TBCA: variants seen among roughly 807,000 people sequenced by gnomAD.
TBCA encodes tubulin folding cofactor A, also known as tubulin-specific chaperone A.
TBCA carries 6 observed loss-of-function variants against 15.8 expected under a neutral mutation model. The observed-to-expected ratio is 0.38, with a 90% CI of 0.21 to 0.75. The LOEUF is 0.75. Among genes scored for constraint, TBCA ranks in the 30% least tolerant of loss-of-function variants. The probability of loss-of-function intolerance (pLI) is 0.46; values close to 1 mark genes in which losing one functional copy is unlikely to be tolerated. For synonymous variants in TBCA, 32 were observed against 42.3 expected (o/e 0.76, Z 0.94); for missense variants, 90 against 131.2 (o/e 0.69, Z 1.53).
chr5:77,756,508 G>A (rs1174921423), intron 1 of TBCA, among the ~76,000 whole-genome samples: 1 of 152,020 alleles, frequency 6.6e-6, no homozygotes, highest in Non-Finnish European at 1.5e-5. Context: ...CAGTTTCTCA[G>A]GTGAATGTGC....
At chr5:77,716,325 T>A (rs351878) in intron 1 of TBCA, among the ~76,000 whole-genome samples, 3 of 152,176 alleles carry the variant, frequency 2.0e-5, no homozygotes, top group Non-Finnish European at 4.4e-5. Flanking sequence ...GCATTTCCAA[T>A]GGGCATCAAC....
At chr5:77,762,182 C>T (rs1168878505) in intron 1 of TBCA, among the ~76,000 whole-genome samples, 1 of 152,144 alleles carries the variant, frequency 6.6e-6, no homozygotes, top group Non-Finnish European at 1.5e-5. Context: ...AGAGTGTTCA[C>T]TAGATGTTTG....
chr5:77,762,864 A>T (rs1747673712), intron 1 of TBCA, among the ~76,000 whole-genome samples: 1 of 152,224 alleles, frequency 6.6e-6, no homozygotes, highest in African/African-American at 2.4e-5. Context: ...TACAAGGCAG[A>T]AGAAGATGAT....
chr5:77,752,276 C>T (rs1233938599), intron 1 of TBCA, among the ~76,000 whole-genome samples: 1 of 152,198 alleles, frequency 6.6e-6, no homozygotes, highest in Admixed American at 6.5e-5. Flanking sequence ...CCCACATTAA[C>T]TATCTTCTCT....
At chr5:77,759,993 G>C (rs906740998) in intron 1 of TBCA, among the ~76,000 whole-genome samples, 1 of 152,188 alleles carries the variant, frequency 6.6e-6, no homozygotes, top group Admixed American at 6.5e-5. Context: ...GTCAGAGTTT[G>C]AGAATAAATG....
chr5:77,767,429 G>A (rs1747805082), intron 1 of TBCA, among the ~76,000 whole-genome samples: 1 of 152,206 alleles, frequency 6.6e-6, no homozygotes, highest in African/African-American at 2.4e-5. Flanking sequence ...TTGTAAGAAT[G>A]TCTTGTAATC....
At chr5:77,767,655 T>C (rs1747811342) in intron 1 of TBCA, among the ~76,000 whole-genome samples, 1 of 152,122 alleles carries the variant, frequency 6.6e-6, no homozygotes, top group Non-Finnish European at 1.5e-5. Context: ...GAACACAAGG[T>C]TCATACTCTT....
chr5:77,692,167 T>C, intron 3 of TBCA: 1 of 984,932 alleles, frequency 1.0e-6, no homozygotes, highest in Non-Finnish European at 1.2e-6. Context: ...GTTTGATTTT[T>C]AAATGAAGCT....
intron 1 of TBCA, among the ~76,000 whole-genome samples, chr5:77,763,832 C>T (rs968808153): frequency 2.0e-5 from 3 of 152,296 alleles, no homozygotes; most frequent in African/African-American, 7.2e-5. Context: ...CTAAGATACG[C>T]ATCTTACAAG....
intron 1 of TBCA, among the ~76,000 whole-genome samples, chr5:77,726,860 A>G (rs1263634895): frequency 6.6e-6 from 1 of 152,200 alleles, no homozygotes; most frequent in Non-Finnish European, 1.5e-5. Flanking sequence ...ATACCAAGCA[A>G]TATTTCTATA....
chr5:77,767,001 C>A (rs756637741), intron 1 of TBCA, among the ~76,000 whole-genome samples: 7 of 152,086 alleles, frequency 4.6e-5, no homozygotes, highest in South Asian at 2.1e-4. Context: ...AACTGTTTGG[C>A]CTTAAGAAAA....
intron 1 of TBCA, among the ~76,000 whole-genome samples, chr5:77,757,676 C>T (rs1018859672): frequency 3.3e-5 from 5 of 152,176 alleles, no homozygotes; most frequent in Admixed American, 3.3e-4. Context: ...GTCAGAGCCA[C>T]CTCCACTCAG....
chr5:77,716,459 TA>T (rs1746400848), intron 1 of TBCA, among the ~76,000 whole-genome samples: 1 of 152,134 alleles, frequency 6.6e-6, no homozygotes, highest in African/African-American at 2.4e-5. Flanking sequence ...TTGACATAAA[TA>T]AAAATTAAAT....
At chr5:77,717,702 C>G (rs1035521140) in intron 1 of TBCA, among the ~76,000 whole-genome samples, 3 of 152,094 alleles carry the variant, frequency 2.0e-5, no homozygotes, top group African/African-American at 7.2e-5. Context: ...CATAGTGGTG[C>G]ACGCCTGTAA....
intron 2 of TBCA, among the ~76,000 whole-genome samples, chr5:77,707,103 G>A (rs1377053157): frequency 6.6e-6 from 1 of 151,896 alleles, no homozygotes; most frequent in African/African-American, 2.4e-5. Context: ...TGTGTCAGAT[G>A]CTATTGAGGT....
chr5:77,693,799 C>CAAAAAAAAA (rs70991303), intron 2 of TBCA, among the ~76,000 whole-genome samples: 4 of 77,938 alleles, frequency 5.1e-5, no homozygotes, highest in Admixed American at 1.7e-4. Context: ...AACTCCATCT[C>CAAAAAAAAA]AAAAAAAAAA....
intron 1 of TBCA, among the ~76,000 whole-genome samples, chr5:77,756,115 G>C (rs1330225969): frequency 6.6e-6 from 1 of 152,112 alleles, no homozygotes; most frequent in Non-Finnish European, 1.5e-5. Flanking sequence ...TTTTTAAAAG[G>C]AGGAACCAGA....
intron 1 of TBCA, among the ~76,000 whole-genome samples, chr5:77,715,620 T>C (rs1216558732): frequency 3.3e-5 from 5 of 152,144 alleles, no homozygotes; most frequent in African/African-American, 9.7e-5. Flanking sequence ...GGTTGTAATA[T>C]GAAGCAATTG....
intron 1 of TBCA, 118 bp from the exon 2 acceptor site, chr5:77,708,465 G>A (rs1324279093): frequency 3.4e-6 from 2 of 583,052 alleles, no homozygotes; most frequent in Admixed American, 3.0e-5. Context: ...TACTAGATGG[G>A]GGGAGGAAGG....
Sources: allele counts gnomAD v4.1 joint callset (sites outside exome capture counted in the v4.1 genomes callset), GRCh38; gene constraint gnomAD v4.1.1; transcripts MANE v1.5; gene names NCBI Gene and HGNC (gene_info 2026-07-23, HGNC 2026-07-21).